PIP4K2B: variants seen among roughly 807,000 people sequenced by gnomAD.
PIP4K2B encodes phosphatidylinositol 5-phosphate 4-kinase type-2 beta.
PIP4K2B carries 3 observed loss-of-function variants against 42.0 expected under a neutral mutation model. The observed-to-expected ratio is 0.07, with a 90% CI of 0.03 to 0.18. PIP4K2B has a LOEUF of 0.18. PIP4K2B is among the 10% of genes least tolerant of loss of function. The pLI is 1.00. For synonymous variants in PIP4K2B, 204 were observed against 210.1 expected, an observed-to-expected ratio of 0.97 and a Z score of 0.25; for missense variants, 332 against 562.3, an observed-to-expected ratio of 0.59 and a Z score of 4.14.
In PIP4K2B at chr17:38,778,485, G is replaced by A; in HGVS notation, c.655-113C>T. ...AGTAGGCTTGTTAGAGTCCTAGAGGGGCCAGGAGGCAGCACCTTGTTCATT... is the reference window on the plus strand; with the variant it reads ...AGTAGGCTTGTTAGAGTCCTAGAGGAGCCAGGAGGCAGCACCTTGTTCATT... On this transcript the variant is annotated intron_variant, in intron 5 of 9. Coordinates refer to ENST00000619039, the MANE Select transcript of PIP4K2B (RefSeq NM_003559.5). The A allele has an allele frequency of 1.9e-5, 17 of 904,054 alleles. No individual in the cohort carries two copies. In the South Asian group the frequency reaches 2.1e-4, roughly 11 times the overall value. 56.0% of individuals were successfully genotyped at this position (904,054 alleles called of 1,614,324 possible).
chr17:38,796,928 TAG>T (rs915582597), intron 1 of PIP4K2B, among the ~76,000 whole-genome samples: 57 of 152,152 alleles, frequency 3.7e-4, no homozygotes, highest in African/African-American at 1.4e-3. Flanking sequence ...CCTGATCCCT[TAG>T]ACGAGTGCAA....
intron 1 of PIP4K2B, among the ~76,000 whole-genome samples, chr17:38,798,884 A>G (rs1341531995): frequency 2.6e-5 from 4 of 152,148 alleles, no homozygotes; most frequent in African/African-American, 9.7e-5. Context: ...AGCCGGCTGT[A>G]AGGAACAAGG....
chr17:38,771,884 G>A, intron 7 of PIP4K2B, among the ~76,000 whole-genome samples: 1 of 152,140 alleles, frequency 6.6e-6, no homozygotes, highest in African/African-American at 2.4e-5. Flanking sequence ...TTAAAAATTG[G>A]CTGGGCGTGG....
chr17:38,786,989 T>G, intron 1 of PIP4K2B, 69 bp from the exon 2 acceptor site: 1 of 956,242 alleles, frequency 1.0e-6, no homozygotes, highest in Admixed American at 1.7e-5. Context: ...TAAGCTACAA[T>G]GTGGATGCCA....
intron 7 of PIP4K2B, among the ~76,000 whole-genome samples, chr17:38,775,217 T>G (rs1197465626): frequency 6.6e-6 from 1 of 152,138 alleles, no homozygotes; most frequent in Non-Finnish European, 1.5e-5. Context: ...CCTCCCAAAG[T>G]GCTGGGATTA....
intron 7 of PIP4K2B, 108 bp downstream of exon 7, chr17:38,777,579 T>A: frequency 1.3e-6 from 1 of 768,318 alleles, no homozygotes; most frequent in East Asian, 2.5e-5. Flanking sequence ...ACCACCCTTT[T>A]GTCCATACTC....
At chr17:38,789,581 T>C (rs892377835) in intron 1 of PIP4K2B, among the ~76,000 whole-genome samples, 3 of 152,180 alleles carry the variant, frequency 2.0e-5, no homozygotes, top group Admixed American at 6.5e-5. Context: ...TCCAGGAGCA[T>C]AAATGGGGGA....
intron 1 of PIP4K2B, among the ~76,000 whole-genome samples, chr17:38,795,229 T>C (rs896436991): frequency 6.7e-6 from 1 of 150,286 alleles, no homozygotes; most frequent in Non-Finnish European, 1.5e-5. Flanking sequence ...TGTAACTCAA[T>C]AATAAGAAGA....
rs371763496 is a variant in PIP4K2B, at chr17:38,769,688, G to C, written c.*3C>G. 1.6e-5 allele frequency: 24 copies of C among 1,502,288 alleles called. No individual in the cohort carries two copies. Among genetic ancestry groups the C allele is most frequent in the Non-Finnish European group, 2.1e-5 (23 of 1,077,840 alleles). 93.1% of individuals were successfully genotyped at this position (1,502,288 alleles called of 1,614,324 possible). On this transcript the variant is annotated 3_prime_UTR_variant, in exon 10 of 10. Transcript: ENST00000619039. ...TCTGGCTCTGGCTGAAGGTAGAAGA[G>C]AACTACGTCAGGATGTTGGACATAA...
At position 38,799,135 on chromosome 17, in the gene PIP4K2B, G is replaced by A; in HGVS notation, c.159+131C>T. The A allele has an allele frequency of 5.4e-6, 5 of 931,028 alleles. No individual in the cohort carries two copies. Among genetic ancestry groups the A allele is most frequent in the Non-Finnish European group, 7.6e-6 (5 of 660,806 alleles). 57.7% of individuals were successfully genotyped at this position (931,028 alleles called of 1,614,324 possible). A position where few individuals can be genotyped will look rare whatever the true frequency, so the allele number is the denominator to read the frequency against. On this transcript the variant is annotated intron_variant, in intron 1 of 9. Transcript: ENST00000619039. The surrounding 1 kb of genome is among the most constrained non-coding windows in gnomAD (Gnocchi z 4.4). ...GGGCCGAAAGGCGTGCAAGGGTGGG[G>A]TGGGCGTGCAAGTGGCTTGGCGAGG...
intron 7 of PIP4K2B, among the ~76,000 whole-genome samples, chr17:38,776,410 A>C (rs577508720): frequency 1.7e-4 from 26 of 152,308 alleles, no homozygotes; most frequent in African/African-American, 6.0e-4. Context: ...GAAAGATAAA[A>C]GTTCAGAGAT....
In PIP4K2B at chr17:38,771,854, C is replaced by T. The variant is rs532087195; in HGVS notation, c.808-582G>A. ...GACCAGCCTCAGCAACGTGATGAGACCCCATCTCTACAAAAAAATTTAAAA... is the reference window on the plus strand; with the variant it reads ...GACCAGCCTCAGCAACGTGATGAGATCCCATCTCTACAAAAAAATTTAAAA... On this transcript the variant is annotated intron_variant, in intron 7 of 9. Transcript: ENST00000619039. Among the ~76,000 whole-genome samples the T allele has an allele frequency of 2.6e-4, 39 of 152,212 alleles. No individual in the cohort carries two copies. The South Asian group carries it at 8.1e-3, about 32-fold the overall frequency.
At chr17:38,774,678 G>A (rs1318038006) in intron 7 of PIP4K2B, among the ~76,000 whole-genome samples, 1 of 151,994 alleles carries the variant, frequency 6.6e-6, no homozygotes, top group Non-Finnish European at 1.5e-5. Context: ...GCTGAGGCAG[G>A]AGAATGGCGT....
chr17:38,771,720 C>T (rs895640378), intron 7 of PIP4K2B, among the ~76,000 whole-genome samples: 1 of 152,076 alleles, frequency 6.6e-6, no homozygotes, highest in Non-Finnish European at 1.5e-5. Context: ...CAGCCCATGA[C>T]GGTTTGGGAT....
chr17:38,779,247 C>A lies in PIP4K2B; in HGVS notation c.654+136G>T, dbSNP rs1909546129. 4.9e-6 allele frequency: 4 copies of A among 820,796 alleles called. No individual in the cohort carries two copies. In the Admixed American group the frequency reaches 8.8e-5, roughly 18 times the overall value. The allele number at this position is 820,796 out of a possible 1,614,324, so 50.8% of individuals were successfully genotyped here. On this transcript the variant is annotated intron_variant, in intron 5 of 9. Coordinates refer to ENST00000619039, the MANE Select transcript of PIP4K2B (RefSeq NM_003559.5). ...CTGCCTTTGGTCCACAAGAATCAGG[C>A]ATATCCACTCCAGAGTTCCCTGTCC...
In PIP4K2B at chr17:38,786,936, A is replaced by C; in HGVS notation, c.160-16T>G. 1 of 1,571,180 alleles carries C rather than the reference A, an allele frequency of 6.4e-7. No homozygotes were observed. Among genetic ancestry groups the C allele is most frequent in the Non-Finnish European group, 8.8e-7 (1 of 1,140,856 alleles). ...GCTCATTGATCTGAAAAGCAAGGAG[A>C]ACGTAAGGCTCTCAGCCAGGAGGCC... On this transcript the variant is annotated splice_polypyrimidine_tract_variant and intron_variant, in intron 1 of 9. Coordinates refer to ENST00000619039, the MANE Select transcript of PIP4K2B (RefSeq NM_003559.5).
chr17:38,779,072 G>A (rs1294081985), intron 5 of PIP4K2B, among the ~76,000 whole-genome samples: 3 of 152,228 alleles, frequency 2.0e-5, no homozygotes, highest in Non-Finnish European at 4.4e-5. Context: ...TGTGCTGGCA[G>A]TCCATGGGGG....
At position 38,771,068 on chromosome 17, in the gene PIP4K2B, C is replaced by T. The variant is rs1909003657; in HGVS notation, c.1012G>A (p.Gly338Ser). The change falls in exon 8 of 10, where the codon GGT becomes AGT. Residue 338 changes from glycine (G) to serine (S), a missense_variant. Physicochemically the swap from Gly to Ser is moderately conservative, Grantham distance 56. Coordinates refer to ENST00000619039, the MANE Select transcript of PIP4K2B (RefSeq NM_003559.5). ...GNLLSFPRFF[G>S]PGEFDPSVDV... Reference sequence around the variant, plus strand: ...ACAGAGGGGTCGAATTCCCCAGGACCAAAGAACCGAGGAAAGCTGAGGAGG... The same window carrying T: ...ACAGAGGGGTCGAATTCCCCAGGACTAAAGAACCGAGGAAAGCTGAGGAGG... 5 of 1,614,016 alleles carry T rather than the reference C, an allele frequency of 3.1e-6. No homozygotes were observed. Among genetic ancestry groups the T allele is most frequent in the Non-Finnish European group, 4.2e-6 (5 of 1,180,030 alleles).
Position 38,784,314 on chromosome 17 carries a change from A to C in PIP4K2B, c.283T>G (p.Phe95Val). 6.2e-7 allele frequency: 1 copy of C among 1,613,508 alleles called. No homozygotes were observed. The highest frequency in any genetic ancestry group is 8.5e-7 in the Non-Finnish European group (1 of 1,179,464). The stretch of plus-strand genomic sequence containing the variant: ...AACACCATGGGGCAATACTCCTTAA[A>C]CTTAAAGCGGCTGGGCAGGTTCTCC... ...NKENLPSRFKFKEYCPMVFRN... is the reference protein window; with the variant it reads ...NKENLPSRFKVKEYCPMVFRN... Residue 95 changes from phenylalanine (F) to valine (V), a missense_variant, in exon 3 of 10, where the codon TTT becomes GTT. Phe to Val is a conservative substitution (Grantham distance 50). Around this residue, in one of 6 missense-constraint regions of PIP4K2B, gnomAD observed 186 missense variants for 288.4 expected, o/e 0.64. Coordinates refer to ENST00000619039, the MANE Select transcript of PIP4K2B (RefSeq NM_003559.5).
Sources: allele counts gnomAD v4.1 joint callset (sites outside exome capture counted in the v4.1 genomes callset), GRCh38; gene constraint gnomAD v4.1.1; regional missense constraint gnomAD v4.1.1; non-coding constraint Gnocchi (gnomAD v3.1); transcripts MANE v1.5; gene names NCBI Gene and HGNC (gene_info 2026-07-23, HGNC 2026-07-21).